HS3ST4: variants seen among roughly 807,000 people sequenced by gnomAD.
HS3ST4 encodes the protein heparan sulfate glucosamine 3-O-sulfotransferase 4.
HS3ST4 carries 17 observed loss-of-function variants against 29.2 expected under a neutral mutation model. The ratio of observed to expected loss-of-function variants is 0.58; its 90% CI spans 0.40 to 0.87. The LOEUF is 0.87. Among genes scored for constraint, HS3ST4 ranks in the 40% least tolerant of loss-of-function variants. HS3ST4 has a pLI of 0.00. For synonymous variants in HS3ST4, 314 were observed against 285.7 expected (o/e 1.10, Z -1.00); for missense variants, 627 against 634.5 (o/e 0.99, Z 0.13).
intron 1 of HS3ST4, among the ~76,000 whole-genome samples, chr16:25,900,776 A>T (rs1968113423): frequency 7.5e-6 from 1 of 133,834 alleles, no homozygotes; most frequent in Non-Finnish European, 1.8e-5. Context: ...CGGCACTGTA[A>T]CATGGGACCT....
intron 1 of HS3ST4, among the ~76,000 whole-genome samples, chr16:25,842,545 T>A (rs935835756): frequency 6.6e-6 from 1 of 152,238 alleles, no homozygotes; most frequent in Non-Finnish European, 1.5e-5. Context: ...GGACCTGGAC[T>A]GGCATGTTTT....
chr16:25,863,050 G>T (rs1356874103), intron 1 of HS3ST4, among the ~76,000 whole-genome samples: 1 of 152,068 alleles, frequency 6.6e-6, no homozygotes, highest in East Asian at 1.9e-4. Flanking sequence ...TGGCTATTTG[G>T]ATTTCTTCTT....
At chr16:25,831,395 C>CCACACACA (rs555584666) in intron 1 of HS3ST4, among the ~76,000 whole-genome samples, 160 of 101,644 alleles carry the variant, frequency 1.6e-3, no homozygotes, top group South Asian at 8.9e-3. Flanking sequence ...GACCCCGTCT[C>CCACACACA]TACACACACA....
intron 1 of HS3ST4, among the ~76,000 whole-genome samples, chr16:25,901,296 C>G (rs1255042490): frequency 6.6e-6 from 1 of 152,194 alleles, no homozygotes; most frequent in Non-Finnish European, 1.5e-5. Context: ...AGAAACTTAA[C>G]CAGTCTCATG....
At position 25,692,874 on chromosome 16, in the gene HS3ST4, C is replaced by A. The variant is rs761554337; in HGVS notation, c.457C>A (p.Gln153Lys). Residue 153 changes from glutamine to lysine, a missense_variant, in exon 1 of 2, where the codon CAG becomes AAG. Physicochemically the swap from Gln to Lys is moderately conservative, Grantham distance 53 (BLOSUM62 1). Around this residue, in one of 2 missense-constraint regions of HS3ST4, gnomAD observed 402 missense variants for 340.8 expected, o/e 1.18. Transcript: ENST00000331351. ...PLAPSEMITA[Q>K]SALPEREAQE... is the part of the protein sequence containing the mutation. ...GGCCCCCAGCGAGATGATCACGGCT[C>A]AGAGCGCGCTGCCGGAGAGGGAAGC... 2.9e-5 allele frequency: 45 copies of A among 1,539,520 alleles called. No individual in the cohort carries two copies. Among genetic ancestry groups the A allele is most frequent in the Admixed American group, 2.2e-4 (11 of 50,532 alleles).
intron 1 of HS3ST4, among the ~76,000 whole-genome samples, chr16:25,973,175 A>G (rs1968913640): frequency 6.6e-6 from 1 of 152,196 alleles, no homozygotes; most frequent in Non-Finnish European, 1.5e-5. Context: ...AAGGTCCTGG[A>G]TGTGCACAGG....
chr16:25,957,029 G>A (rs1179984042), intron 1 of HS3ST4, among the ~76,000 whole-genome samples: 1 of 144,364 alleles, frequency 6.9e-6, no homozygotes, highest in African/African-American at 2.6e-5. Flanking sequence ...CATGGGTTTT[G>A]TGTTGAGTCT....
At chr16:26,098,983 G>A (rs935621559) in intron 1 of HS3ST4, among the ~76,000 whole-genome samples, 1 of 152,104 alleles carries the variant, frequency 6.6e-6, no homozygotes, top group Non-Finnish European at 1.5e-5. Flanking sequence ...CAGGTGTGGT[G>A]GGAGGAATAT....
intron 1 of HS3ST4, among the ~76,000 whole-genome samples, chr16:25,994,002 GTGTGTGGTGGAGA>G (rs1969137629): frequency 7.0e-6 from 1 of 142,590 alleles, no homozygotes; most frequent in Non-Finnish European, 1.5e-5. Context: ...GTGTGTGTGT[GTGTGTGGTGGAGA>G]GAGAGAGAGA....
At chr16:25,752,578 C>G (rs1966729368) in intron 1 of HS3ST4, among the ~76,000 whole-genome samples, 1 of 152,214 alleles carries the variant, frequency 6.6e-6, no homozygotes, top group Non-Finnish European at 1.5e-5. Flanking sequence ...TAAAAATCCT[C>G]AATCATTCTT....
intron 1 of HS3ST4, among the ~76,000 whole-genome samples, chr16:25,880,567 T>C (rs1457182710): frequency 1.3e-5 from 2 of 152,180 alleles, no homozygotes; most frequent in African/African-American, 4.8e-5. Context: ...TCCCTTACAA[T>C]GTATAGCCGC....
intron 1 of HS3ST4, among the ~76,000 whole-genome samples, chr16:25,948,359 C>T (rs1968650213): frequency 6.6e-6 from 1 of 151,770 alleles, no homozygotes; most frequent in African/African-American, 2.4e-5. Flanking sequence ...TTTTTCAGAG[C>T]ATTTTGGATT....
chr16:25,942,216 G>A (rs535156092), intron 1 of HS3ST4, among the ~76,000 whole-genome samples: 84 of 152,182 alleles, frequency 5.5e-4, no homozygotes, highest in African/African-American at 2.0e-3. Context: ...TGGAGACTGG[G>A]GGGAGGAGAA....
At chr16:26,101,191 T>G (rs4488447) in intron 1 of HS3ST4, among the ~76,000 whole-genome samples, 28,266 of 152,236 alleles carry the variant, frequency 0.19, 3,301 homozygotes, top group South Asian at 0.29. Context: ...CTCTCAACCC[T>G]ACTCCTTTGC....
chr16:26,072,071 G>T (rs1417258889), intron 1 of HS3ST4, among the ~76,000 whole-genome samples: 1 of 152,164 alleles, frequency 6.6e-6, no homozygotes, highest in Non-Finnish European at 1.5e-5. Flanking sequence ...ATGAAGGGGA[G>T]AATAGTTTGA....
intron 1 of HS3ST4, among the ~76,000 whole-genome samples, chr16:25,759,278 A>G (rs747430499): frequency 5.9e-5 from 9 of 152,252 alleles, no homozygotes; most frequent in Non-Finnish European, 1.0e-4. Context: ...AGGGCTGTGT[A>G]TCAACAATCT....
intron 1 of HS3ST4, among the ~76,000 whole-genome samples, chr16:26,054,114 TGGAGA>T (rs1898377581): frequency 3.3e-5 from 5 of 152,126 alleles, no homozygotes; most frequent in Admixed American, 3.3e-4. Context: ...ATTTAGCAGG[TGGAGA>T]CAATCCTACC....
At chr16:26,029,703 G>A (rs184504570) in intron 1 of HS3ST4, among the ~76,000 whole-genome samples, 13 of 152,198 alleles carry the variant, frequency 8.5e-5, no homozygotes, top group African/African-American at 1.9e-4. Context: ...GAGCCACTGC[G>A]CCTGGCAATT....
rs60621980 is a variant in HS3ST4, at chr16:26,117,274, A to G, written c.735-18338A>G. On this transcript the variant is annotated intron_variant, in intron 1 of 1. Coordinates refer to ENST00000331351, the MANE Select transcript of HS3ST4 (RefSeq NM_006040.3). ...TACAGGCAGCAAGCCCCACAACCAT[A>G]AATGAACCAGCACACTCAACTTATT... 7.0e-3 allele frequency among the ~76,000 whole-genome samples: 1,060 copies of G among 152,322 alleles called. 16 individuals carry two copies. Among genetic ancestry groups the G allele is most frequent in the African/African-American group, 0.025 (1,021 of 41,584 alleles).
Sources: allele counts gnomAD v4.1 joint callset (sites outside exome capture counted in the v4.1 genomes callset), GRCh38; gene constraint gnomAD v4.1.1; regional missense constraint gnomAD v4.1.1; transcripts MANE v1.5; gene names NCBI Gene and HGNC (gene_info 2026-07-23, HGNC 2026-07-21).